Variants in DLGAP2 observed in about 807,000 individuals in gnomAD.
The protein encoded by DLGAP2 is disks large-associated protein 2.
DLGAP2 carries 26 observed loss-of-function variants against 100.3 expected under a neutral mutation model. The ratio of observed to expected loss-of-function variants is 0.26; its 90% CI spans 0.19 to 0.36. DLGAP2 has a LOEUF of 0.36. Ranked by LOEUF, DLGAP2 falls within the 10% of genes least tolerant of loss-of-function variation. The pLI, the probability that DLGAP2 is intolerant of heterozygous loss-of-function variation, is 1.00. For synonymous variants in DLGAP2, 886 were observed against 630.1 expected, an observed-to-expected ratio of 1.41 and a Z score of -6.08; for missense variants, 1,858 against 1,453.2, an observed-to-expected ratio of 1.28 and a Z score of -4.53.
chr8:1,361,510 G>C (rs1247938384), intron 3 of DLGAP2, among the ~76,000 whole-genome samples: 1 of 152,140 alleles, frequency 6.6e-6, no homozygotes, highest in Non-Finnish European at 1.5e-5. Context: ...TAGCCGTCTG[G>C]TGCTGAGAAT....
chr8:871,030 A>G (rs146832181), intron 1 of DLGAP2, among the ~76,000 whole-genome samples: 97 of 152,344 alleles, frequency 6.4e-4, no homozygotes, highest in African/African-American at 2.1e-3. Flanking sequence ...AAAGGGACTC[A>G]GTGGTCCCCT....
intron 2 of DLGAP2, among the ~76,000 whole-genome samples, chr8:942,613 C>T (rs1447606774): frequency 2.6e-5 from 4 of 152,256 alleles, no homozygotes; most frequent in Non-Finnish European, 5.9e-5. Flanking sequence ...CAGGAGCTAA[C>T]ATCTCATCTT....
At position 1,703,299 on chromosome 8, in the gene DLGAP2, CA is replaced by C. The variant is rs5888852; in HGVS notation, c.*1906del. 0.13 allele frequency: 19,098 copies of C among 143,198 alleles called. 1,372 individuals are homozygous for C. The highest frequency in any genetic ancestry group is 0.21 in the Admixed American group (3,063 of 14,456). 8.9% of individuals were successfully genotyped at this position (143,198 alleles called of 1,614,324 possible). Reference sequence around the variant, plus strand: ...TACGAATGTATCTCCTTGAAAAATGCAAAAAAAAAAAAATCCCTGAAATATT... The same window carrying C: ...TACGAATGTATCTCCTTGAAAAATGCAAAAAAAAAAAATCCCTGAAATATT... On this transcript the variant is annotated 3_prime_UTR_variant, in exon 15 of 15. Coordinates refer to ENST00000637795, the MANE Select transcript of DLGAP2 (RefSeq NM_001346810.2).
At chr8:932,825 A>T (rs1032040480) in intron 2 of DLGAP2, among the ~76,000 whole-genome samples, 1 of 152,250 alleles carries the variant, frequency 6.6e-6, no homozygotes, top group Admixed American at 6.5e-5. Context: ...AATTAAAAAA[A>T]AAATTTCTTA....
chr8:1,007,638 G>GCA (rs1312650077), intron 2 of DLGAP2, among the ~76,000 whole-genome samples: 18 of 141,414 alleles, frequency 1.3e-4, no homozygotes, highest in Non-Finnish European at 2.5e-4. Context: ...TTTTTTTTGG[G>GCA]GGGGGGATCT....
chr8:1,288,056 T>TG (rs1799980770), intron 3 of DLGAP2, among the ~76,000 whole-genome samples: 1 of 128,078 alleles, frequency 7.8e-6, no homozygotes, highest in East Asian at 2.5e-4. Context: ...GTGTGTATGG[T>TG]TCTGTTAGGA....
At chr8:1,488,419 G>A (rs1183317570) in intron 3 of DLGAP2, among the ~76,000 whole-genome samples, 1 of 152,196 alleles carries the variant, frequency 6.6e-6, no homozygotes. Flanking sequence ...GTGGCTTAAA[G>A]AGAAAGAGAA....
At chr8:1,163,366 C>G (rs1796929642) in intron 2 of DLGAP2, among the ~76,000 whole-genome samples, 1 of 152,238 alleles carries the variant, frequency 6.6e-6, no homozygotes, top group African/African-American at 2.4e-5. Flanking sequence ...TTCGCCTCCG[C>G]TCAGCGGGTC....
At chr8:1,171,400 C>T (rs181931172) in intron 2 of DLGAP2, among the ~76,000 whole-genome samples, 152 of 152,124 alleles carry the variant, frequency 1.0e-3, no homozygotes, top group Middle Eastern at 6.8e-3. Context: ...CTATTAGGTC[C>T]GCTTGGCGCA....
At chr8:834,748 T>C (rs1489040565) in intron 1 of DLGAP2, among the ~76,000 whole-genome samples, 3 of 152,166 alleles carry the variant, frequency 2.0e-5, no homozygotes, top group African/African-American at 7.2e-5. Flanking sequence ...CAGGATCCTA[T>C]TGGGTACTAT....
intron 8 of DLGAP2, among the ~76,000 whole-genome samples, chr8:1,634,038 C>T (rs1720558505): frequency 1.3e-5 from 2 of 152,220 alleles, no homozygotes; most frequent in Admixed American, 6.5e-5. Context: ...AAATTGCAGT[C>T]GGCACTATCA....
chr8:1,017,564 TGTG>T (rs1801496970), intron 2 of DLGAP2, among the ~76,000 whole-genome samples: 2 of 137,772 alleles, frequency 1.5e-5, no homozygotes, highest in Admixed American at 7.2e-5. Context: ...CCACTGTGTG[TGTG>T]ACCAGGACAG....
chr8:1,322,079 A>T (rs1800914193), intron 3 of DLGAP2, among the ~76,000 whole-genome samples: 1 of 152,228 alleles, frequency 6.6e-6, no homozygotes, highest in Non-Finnish European at 1.5e-5. Flanking sequence ...CAGAAACCCT[A>T]GATAACAGTG....
chr8:1,223,571 C>T (rs752957767), intron 2 of DLGAP2, among the ~76,000 whole-genome samples: 1 of 152,214 alleles, frequency 6.6e-6, no homozygotes, highest in African/African-American at 2.4e-5. Flanking sequence ...TGTTGATCTT[C>T]ACTTTCTCTT....
intron 3 of DLGAP2, among the ~76,000 whole-genome samples, chr8:1,464,150 C>G (rs1798539733): frequency 6.6e-6 from 1 of 150,912 alleles, no homozygotes; most frequent in South Asian, 2.1e-4. Flanking sequence ...AGCACCCATC[C>G]AGGACAGCTC....
rs115573170 is a variant in DLGAP2, at chr8:1,408,765, G to A, written c.107-92601G>A. ...CGGGAAAGCCAGGTTTTGGGAACTCGTGGCAGCTCTACCACCAAGAGACCC... is the reference window on the plus strand; with the variant it reads ...CGGGAAAGCCAGGTTTTGGGAACTCATGGCAGCTCTACCACCAAGAGACCC... On this transcript the variant is annotated intron_variant, in intron 3 of 14. Transcript: ENST00000637795. Among the ~76,000 whole-genome samples, 1,390 of 152,178 alleles carry A rather than the reference G, an allele frequency of 9.1e-3. 22 individuals are homozygous for A. Among genetic ancestry groups the A allele is most frequent in the African/African-American group, 0.031 (1,305 of 41,514 alleles).
At chr8:1,172,605 A>C (rs532213689) in intron 2 of DLGAP2, among the ~76,000 whole-genome samples, 5 of 151,620 alleles carry the variant, frequency 3.3e-5, no homozygotes, top group Admixed American at 2.0e-4. Flanking sequence ...TTTTCTCTAA[A>C]CTTCCCTTCT....
intron 3 of DLGAP2, among the ~76,000 whole-genome samples, chr8:1,383,429 A>G (rs1241644836): frequency 2.6e-5 from 4 of 152,244 alleles, no homozygotes; most frequent in Admixed American, 6.5e-5. Flanking sequence ...GATTCTGTCA[A>G]ATGGTACGGT....
intron 1 of DLGAP2, among the ~76,000 whole-genome samples, chr8:754,679 A>C (rs1410574349): frequency 6.6e-6 from 1 of 151,996 alleles, no homozygotes; most frequent in Admixed American, 6.6e-5. Flanking sequence ...GTGAGACCCC[A>C]CCTCTAAAAA....
Sources: allele counts gnomAD v4.1 joint callset (sites outside exome capture counted in the v4.1 genomes callset), GRCh38; gene constraint gnomAD v4.1.1; transcripts MANE v1.5; gene names NCBI Gene and HGNC (gene_info 2026-07-23, HGNC 2026-07-21).